The following RNF150 variants were observed in gnomAD, a reference collection of about 807,000 sequenced individuals.
RNF150 encodes ring finger protein 150.
RNF150 carries 24 observed loss-of-function variants against 39.3 expected under a neutral mutation model. The observed-to-expected ratio is 0.61, with a 90% CI of 0.44 to 0.86. RNF150 has a LOEUF of 0.86. Ranked by LOEUF, RNF150 falls within the 40% of genes least tolerant of loss-of-function variation. The pLI is 0.00. For synonymous variants in RNF150, 255 were observed against 227.3 expected (o/e 1.12, Z -1.10); for missense variants, 502 against 587.8 (o/e 0.85, Z 1.51).
At chr4:141,052,416 C>T (rs1174515156) in intron 1 of RNF150, among the ~76,000 whole-genome samples, 1 of 152,154 alleles carries the variant, frequency 6.6e-6, no homozygotes. Context: ...CACTCTGTTA[C>T]CCAGGCTGGA....
At chr4:141,027,015 A>AGAGG (rs1380422136) in intron 1 of RNF150, among the ~76,000 whole-genome samples, 1 of 152,192 alleles carries the variant, frequency 6.6e-6, no homozygotes, top group Non-Finnish European at 1.5e-5. Flanking sequence ...ACCAGACTGA[A>AGAGG]GAGGGGTTCC....
chr4:141,077,166 A>G (rs1381585140), intron 1 of RNF150, among the ~76,000 whole-genome samples: 1 of 152,374 alleles, frequency 6.6e-6, no homozygotes, highest in African/African-American at 2.4e-5. Flanking sequence ...AGCAGACCCA[A>G]GAGCAATGAA....
At chr4:140,900,678 T>C (rs1730157196) in intron 6 of RNF150, among the ~76,000 whole-genome samples, 1 of 152,150 alleles carries the variant, frequency 6.6e-6, no homozygotes, top group East Asian at 1.9e-4. Flanking sequence ...TTGCAGATAT[T>C]TTTATATCTA....
intron 1 of RNF150, among the ~76,000 whole-genome samples, chr4:141,041,395 T>C (rs1217148803): frequency 2.0e-5 from 3 of 152,192 alleles, no homozygotes; most frequent in South Asian, 2.1e-4. Flanking sequence ...GAGAATGCCA[T>C]AGGATGGCAG....
At chr4:140,939,304 T>C (rs550773994) in intron 4 of RNF150, among the ~76,000 whole-genome samples, 1 of 152,340 alleles carries the variant, frequency 6.6e-6, no homozygotes, top group Non-Finnish European at 1.5e-5. Context: ...AGGCTTTTAG[T>C]TATGTTCTGG....
At chr4:141,071,039 A>G (rs1737676992) in intron 1 of RNF150, among the ~76,000 whole-genome samples, 1 of 127,018 alleles carries the variant, frequency 7.9e-6, no homozygotes, top group Non-Finnish European at 1.7e-5. Flanking sequence ...ACACCATGGA[A>G]TACTATGCAG....
chr4:140,942,165 CA>C (rs145127743), intron 4 of RNF150, among the ~76,000 whole-genome samples: 2 of 151,414 alleles, frequency 1.3e-5, no homozygotes, highest in Non-Finnish European at 1.5e-5. Flanking sequence ...TACATTTTAC[CA>C]AAAAAAACCA....
At chr4:140,911,064 T>C in intron 6 of RNF150, 80 bp downstream of exon 6, 1 of 1,156,914 alleles carries the variant, frequency 8.6e-7, no homozygotes, top group Non-Finnish European at 1.3e-6. Flanking sequence ...TTTTTTCTTT[T>C]TGAGGAAAGG....
intron 1 of RNF150, among the ~76,000 whole-genome samples, chr4:141,204,157 A>T (rs963233861): frequency 3.3e-5 from 5 of 152,174 alleles, no homozygotes; most frequent in South Asian, 2.1e-4. Context: ...AATAGGCTGC[A>T]GTTTTGAAGA....
chr4:141,181,035 A>G (rs1727901318), intron 1 of RNF150, among the ~76,000 whole-genome samples: 1 of 152,188 alleles, frequency 6.6e-6, no homozygotes. Context: ...AGCTTTTCTA[A>G]AATACACATT....
intron 1 of RNF150, among the ~76,000 whole-genome samples, chr4:141,194,601 T>C (rs1014364227): frequency 2.0e-5 from 3 of 152,162 alleles, no homozygotes; most frequent in Non-Finnish European, 2.9e-5. Context: ...TGCAGGCTCT[T>C]TCAGGGTAGG....
intron 1 of RNF150, among the ~76,000 whole-genome samples, chr4:141,161,003 G>C (rs1578773556): frequency 1.3e-5 from 2 of 152,204 alleles, no homozygotes; most frequent in African/African-American, 4.8e-5. Flanking sequence ...TGAAAATATG[G>C]AAGCAACTTT....
In RNF150 at chr4:140,866,329, T is replaced by G. The variant is rs1261331660; in HGVS notation, c.*1932A>C. 1 of 152,178 alleles carries G rather than the reference T, an allele frequency of 6.6e-6. No homozygotes were observed. The highest frequency in any genetic ancestry group is 6.5e-5 in the Admixed American group (1 of 15,278). 9.4% of individuals were successfully genotyped at this position (152,178 alleles called of 1,614,324 possible). A position where few individuals can be genotyped will look rare whatever the true frequency, so the allele number is the denominator to read the frequency against. ...ACAGCCAGAGGAGCTTGGGGACTCATGTTATTAAACCCTTCACATTATAGA... is the reference window on the plus strand; with the variant it reads ...ACAGCCAGAGGAGCTTGGGGACTCAGGTTATTAAACCCTTCACATTATAGA... On this transcript the variant is annotated 3_prime_UTR_variant, in exon 7 of 7. Transcript: ENST00000515673.
chr4:141,084,600 G>A (rs762486808), intron 1 of RNF150, among the ~76,000 whole-genome samples: 12 of 152,166 alleles, frequency 7.9e-5, no homozygotes, highest in Non-Finnish European at 1.5e-4. Context: ...TAAAGGACGC[G>A]CAGGCTTCTG....
intron 1 of RNF150, among the ~76,000 whole-genome samples, chr4:141,062,264 T>G (rs1737262053): frequency 1.3e-5 from 2 of 149,100 alleles, no homozygotes; most frequent in African/African-American, 5.2e-5. Context: ...ATTCTCTTTG[T>G]TTTATGTCTG....
At chr4:141,193,709 A>G (rs1367885469) in intron 1 of RNF150, among the ~76,000 whole-genome samples, 1 of 152,182 alleles carries the variant, frequency 6.6e-6, no homozygotes, top group Admixed American at 6.5e-5. Context: ...ATAGAGCAGG[A>G]TGTGGGAGCA....
chr4:141,033,206 T>G (rs1328935883), intron 1 of RNF150, among the ~76,000 whole-genome samples: 1 of 152,226 alleles, frequency 6.6e-6, no homozygotes, highest in Admixed American at 6.5e-5. Flanking sequence ...TGTAACATTC[T>G]AAATCCTTTG....
At chr4:140,959,928 A>G (rs1732949110) in intron 2 of RNF150, among the ~76,000 whole-genome samples, 1 of 152,132 alleles carries the variant, frequency 6.6e-6, no homozygotes, top group Non-Finnish European at 1.5e-5. Context: ...CCTCTCCCCA[A>G]GTGAGCTCAT....
intron 1 of RNF150, among the ~76,000 whole-genome samples, chr4:141,056,674 C>G (rs1736985984): frequency 6.6e-6 from 1 of 151,930 alleles, no homozygotes; most frequent in African/African-American, 2.4e-5. Context: ...TACACCTAAT[C>G]CTCAGCTCTT....
Sources: gnomAD v4.1 joint callset for allele counts (sites outside exome capture counted in the v4.1 genomes callset) on GRCh38, gnomAD v4.1.1 for gene constraint, MANE v1.5 for transcripts, NCBI Gene and HGNC (gene_info 2026-07-23, HGNC 2026-07-21) for gene names.